DLG2: variants seen among roughly 807,000 people sequenced by gnomAD.
DLG2 encodes the protein disks large homolog 2.
DLG2 carries 45 observed loss-of-function variants against 132.5 expected under a neutral mutation model. The ratio of observed to expected loss-of-function variants is 0.34; its 90% CI spans 0.27 to 0.44. DLG2 has a LOEUF of 0.44. DLG2 is among the 20% of genes least tolerant of loss of function. The pLI is 1.00. For missense variants in DLG2, 1,045 were observed against 1,196.9 expected (o/e 0.87, Z 1.87); for synonymous variants, 424 against 419.6 (o/e 1.01, Z -0.13).
At chr11:84,782,169 A>C (rs770722129) in intron 6 of DLG2, among the ~76,000 whole-genome samples, 3 of 152,102 alleles carry the variant, frequency 2.0e-5, no homozygotes, top group Non-Finnish European at 4.4e-5. Flanking sequence ...CATTATAAAG[A>C]CATGTAAACT....
intron 3 of DLG2, among the ~76,000 whole-genome samples, chr11:85,395,400 T>G (rs908736608): frequency 5.8e-4 from 88 of 152,096 alleles, no homozygotes; most frequent in African/African-American, 2.0e-3. Context: ...TCATTGGGAC[T>G]GGTTGGACAG....
At chr11:84,507,581 C>T (rs1466128245) in intron 7 of DLG2, among the ~76,000 whole-genome samples, 1 of 152,120 alleles carries the variant, frequency 6.6e-6, no homozygotes, top group East Asian at 1.9e-4. Context: ...AGCTTTTGCC[C>T]ATTCAGTATG....
chr11:85,429,227 G>C (rs1387560565), intron 3 of DLG2, among the ~76,000 whole-genome samples: 1 of 152,140 alleles, frequency 6.6e-6, no homozygotes, highest in East Asian at 1.9e-4. Context: ...CATTCCTTCT[G>C]AAACTATTCC....
intron 18 of DLG2, among the ~76,000 whole-genome samples, chr11:83,756,718 G>GA (rs1238817500): frequency 2.6e-5 from 4 of 151,244 alleles, no homozygotes; most frequent in Admixed American, 1.3e-4. Context: ...GCCCAGTTTT[G>GA]AAAAAATATA....
intron 17 of DLG2, among the ~76,000 whole-genome samples, chr11:83,809,800 G>T (rs539944046): frequency 6.6e-6 from 1 of 152,190 alleles, no homozygotes; most frequent in East Asian, 1.9e-4. Flanking sequence ...CAAAATACGG[G>T]TTGAAGAAGC....
chr11:84,727,253 T>C (rs1340153195), intron 6 of DLG2, among the ~76,000 whole-genome samples: 1 of 152,186 alleles, frequency 6.6e-6, no homozygotes, highest in Admixed American at 6.5e-5. Context: ...CTTTGACCCA[T>C]CTTGAGTTGA....
chr11:85,208,075 G>A (rs945799553), intron 4 of DLG2, among the ~76,000 whole-genome samples: 2 of 151,930 alleles, frequency 1.3e-5, no homozygotes, highest in East Asian at 1.9e-4. Flanking sequence ...CATTATATTA[G>A]ATATTTTATA....
At chr11:84,543,932 A>C (rs1484674373) in intron 6 of DLG2, among the ~76,000 whole-genome samples, 1 of 152,218 alleles carries the variant, frequency 6.6e-6, no homozygotes, top group Non-Finnish European at 1.5e-5. Context: ...CAGCTGACAG[A>C]GCTTTGTGTG....
chr11:83,555,448 G>A (rs1376960948), intron 19 of DLG2, among the ~76,000 whole-genome samples: 2 of 152,168 alleles, frequency 1.3e-5, no homozygotes, highest in Non-Finnish European at 2.9e-5. Flanking sequence ...CAGGTAGTGG[G>A]GAAAGGTAGT....
chr11:85,446,663 T>G (rs187114364), intron 3 of DLG2, among the ~76,000 whole-genome samples: 133 of 152,228 alleles, frequency 8.7e-4, no homozygotes, highest in African/African-American at 3.1e-3. Flanking sequence ...ACTAAAATTA[T>G]GTAGCGTGAA....
intron 10 of DLG2, among the ~76,000 whole-genome samples, chr11:84,064,963 T>G (rs113989828): frequency 1.3e-5 from 2 of 152,124 alleles, no homozygotes; most frequent in East Asian, 3.8e-4. Flanking sequence ...AAACAAGCAA[T>G]GGGGAAAGGA....
chr11:85,522,853 G>A (rs2074425275), intron 3 of DLG2, among the ~76,000 whole-genome samples: 1 of 152,090 alleles, frequency 6.6e-6, no homozygotes, highest in South Asian at 2.1e-4. Context: ...CTATTTTACA[G>A]GCTCACAGGC....
intron 6 of DLG2, among the ~76,000 whole-genome samples, chr11:85,006,910 A>G (rs191781903): frequency 8.9e-4 from 136 of 152,254 alleles, no homozygotes; most frequent in African/African-American, 3.2e-3. Flanking sequence ...TTTTCATACA[A>G]TAAGTATAGA....
chr11:84,631,754 C>CG (rs2099632600), intron 6 of DLG2, among the ~76,000 whole-genome samples: 1 of 152,070 alleles, frequency 6.6e-6, no homozygotes, highest in Non-Finnish European at 1.5e-5. Flanking sequence ...GCAAGGAATA[C>CG]GGGTACCAGC....
At chr11:84,447,423 T>A (rs1330962879) in intron 7 of DLG2, among the ~76,000 whole-genome samples, 3 of 152,176 alleles carry the variant, frequency 2.0e-5, no homozygotes, top group Non-Finnish European at 4.4e-5. Context: ...CCGAAAAGAA[T>A]GATTTCTAAA....
At chr11:84,738,239 T>C (rs971045835) in intron 6 of DLG2, among the ~76,000 whole-genome samples, 1 of 152,042 alleles carries the variant, frequency 6.6e-6, no homozygotes, top group African/African-American at 2.4e-5. Context: ...TCTTTTTTTT[T>C]GCTTGTTAAA....
chr11:83,667,800 A>C (rs1353184086), intron 18 of DLG2, among the ~76,000 whole-genome samples: 1 of 151,872 alleles, frequency 6.6e-6, no homozygotes, highest in Non-Finnish European at 1.5e-5. Context: ...TAACACGGTG[A>C]AACCCCGTCT....
intron 8 of DLG2, among the ~76,000 whole-genome samples, chr11:84,217,196 T>C (rs879673912): frequency 3.3e-5 from 5 of 152,190 alleles, no homozygotes; most frequent in Non-Finnish European, 7.4e-5. Flanking sequence ...AAATAAGGTG[T>C]CAGAAATATC....
At chr11:83,484,035 G>T in intron 22 of DLG2, 94 bp downstream of exon 22, 2 of 966,150 alleles carry the variant, frequency 2.1e-6, no homozygotes. Flanking sequence ...GTTTGCCTAG[G>T]TGTGTGGCGT....
Sources: allele counts gnomAD v4.1 joint callset (sites outside exome capture counted in the v4.1 genomes callset), GRCh38; gene constraint gnomAD v4.1.1; transcripts MANE v1.5; gene names NCBI Gene and HGNC (gene_info 2026-07-23, HGNC 2026-07-21).